Variants in GRAMD1C observed in about 807,000 individuals in gnomAD.
GRAMD1C encodes protein Aster-C.
In GRAMD1C, 89 loss-of-function variants were observed where a neutral mutation model predicts 97.8. The observed-to-expected ratio is 0.91, with a 90% CI of 0.77 to 1.09. GRAMD1C has a LOEUF of 1.09. Among genes scored for constraint, GRAMD1C ranks in the 50% least tolerant of loss-of-function variants. The pLI is 0.00. For missense variants in GRAMD1C, 740 were observed against 766.4 expected, an observed-to-expected ratio of 0.97 and a Z score of 0.41; for synonymous variants, 256 against 267.0, an observed-to-expected ratio of 0.96 and a Z score of 0.40.
chr3:113,937,902 G>A (rs1937608811), intron 14 of GRAMD1C, among the ~76,000 whole-genome samples, 184 bp from the exon 15 acceptor site: 1 of 152,040 alleles, frequency 6.6e-6, no homozygotes, highest in Non-Finnish European at 1.5e-5. Flanking sequence ...CTTCTCAGGA[G>A]GCTGAGGCAG....
At chr3:113,939,504 A>G (rs1479870296) in intron 15 of GRAMD1C, 1 of 157,298 alleles carries the variant, frequency 6.4e-6, no homozygotes, top group East Asian at 1.9e-4. Flanking sequence ...TTATGAGCGT[A>G]TAATTGCCTA....
At chr3:113,902,120 T>C (rs913630688) in intron 7 of GRAMD1C, among the ~76,000 whole-genome samples, 5 of 152,244 alleles carry the variant, frequency 3.3e-5, no homozygotes, top group Admixed American at 2.6e-4. Flanking sequence ...GTGTGGATTA[T>C]ATCTTAAAAG....
intron 10 of GRAMD1C, among the ~76,000 whole-genome samples, chr3:113,918,829 A>G (rs991257979): frequency 6.6e-6 from 1 of 152,084 alleles, no homozygotes; most frequent in African/African-American, 2.4e-5. Context: ...AGTTGCTGGG[A>G]CCACAGGTGT....
intron 6 of GRAMD1C, among the ~76,000 whole-genome samples, chr3:113,892,733 C>G (rs1935785975): frequency 6.6e-6 from 1 of 152,158 alleles, no homozygotes; most frequent in South Asian, 2.1e-4. Flanking sequence ...ACAATGGCAG[C>G]ACCATTCTTT....
chr3:113,850,634 G>A, intron 2 of GRAMD1C: 7 of 1,607,412 alleles, frequency 4.4e-6, no homozygotes, highest in Admixed American at 3.3e-5. Context: ...CTGCCAGCTC[G>A]GGTGCTTAGG....
intron 2 of GRAMD1C, among the ~76,000 whole-genome samples, chr3:113,854,008 G>T (rs1934020119): frequency 6.6e-6 from 1 of 152,156 alleles, no homozygotes; most frequent in Non-Finnish European, 1.5e-5. Flanking sequence ...TTGATGTGGT[G>T]AGTGAGGGAA....
chr3:113,866,131 T>TG (rs1392336425), intron 2 of GRAMD1C, among the ~76,000 whole-genome samples: 1 of 152,186 alleles, frequency 6.6e-6, no homozygotes, highest in Non-Finnish European at 1.5e-5. Context: ...CTTATATCCT[T>TG]GCTGGTTTTC....
At chr3:113,923,888 G>T (rs1302418170) in intron 10 of GRAMD1C, among the ~76,000 whole-genome samples, 1 of 152,050 alleles carries the variant, frequency 6.6e-6, no homozygotes, top group Non-Finnish European at 1.5e-5. Context: ...GTAGAATTTG[G>T]CTGTGAATCC....
At chr3:113,834,825 A>G (rs115140493), upstream of GRAMD1C, among the ~76,000 whole-genome samples, 7,063 of 151,234 alleles carry the variant, frequency 0.047, 176 homozygotes, top group East Asian at 0.057. Flanking sequence ...CTGTTATCCC[A>G]GCTACTCCAG....
chr3:113,831,497 T>C (rs2108059220), intron 1 of GRAMD1C, among the ~76,000 whole-genome samples: 1 of 152,344 alleles, frequency 6.6e-6, no homozygotes, highest in Non-Finnish European at 1.5e-5. Flanking sequence ...TCATTCTTTC[T>C]TGGCCATTAC....
In GRAMD1C at chr3:113,865,393, G is replaced by A. The variant is rs548496896; in HGVS notation, c.175-4114G>A. 4.6e-5 allele frequency among the ~76,000 whole-genome samples: 7 copies of A among 152,240 alleles called. No individual in the cohort carries two copies. In the South Asian group the frequency reaches 1.2e-3, roughly 27 times the overall value. ...TTAAAAAATCTGCTTGTGAGGCTATGGAGTGTGCCACAGATACTGAATCAC... is the reference window on the plus strand; with the variant it reads ...TTAAAAAATCTGCTTGTGAGGCTATAGAGTGTGCCACAGATACTGAATCAC... On this transcript the variant is annotated intron_variant, in intron 2 of 17. Transcript: ENST00000358160.
At chr3:113,915,919 T>A in intron 10 of GRAMD1C, 81 bp downstream of exon 10, 1 of 1,090,800 alleles carries the variant, frequency 9.2e-7, no homozygotes, top group Non-Finnish European at 1.4e-6. Context: ...ATAAACTGAT[T>A]TATGTTGTGA....
intron 5 of GRAMD1C, among the ~76,000 whole-genome samples, chr3:113,882,336 A>G (rs889023635): frequency 1.3e-5 from 2 of 152,124 alleles, no homozygotes; most frequent in East Asian, 3.8e-4. Flanking sequence ...TGAAATCCAC[A>G]TGTATTTTTT....
chr3:113,886,830 A>G lies in GRAMD1C; in HGVS notation c.540+3998A>G, dbSNP rs528416818. On this transcript the variant is annotated intron_variant, in intron 6 of 17. Coordinates refer to ENST00000358160, the MANE Select transcript of GRAMD1C (RefSeq NM_017577.5). ...TGGAGTCTCACTCTGTCACCAGGCT[A>G]GAGTGCTGTGGCCTGATCTCGGCTC... 5.0e-3 allele frequency among the ~76,000 whole-genome samples: 598 copies of G among 119,570 alleles called. 5 individuals are homozygous for G. Among genetic ancestry groups the G allele is most frequent in the African/African-American group, 0.018 (549 of 30,108 alleles). 78.4% of individuals were successfully genotyped at this position (119,570 alleles called of 152,430 possible).
intron 8 of GRAMD1C, 92 bp downstream of exon 8, chr3:113,904,364 TA>T (rs1179633376): frequency 4.4e-6 from 4 of 914,406 alleles, no homozygotes; most frequent in Non-Finnish European, 6.6e-6. Flanking sequence ...TACAAAATGT[TA>T]AAAATAAGAT....
chr3:113,852,881 G>A (rs1172784530), intron 2 of GRAMD1C, among the ~76,000 whole-genome samples: 2 of 152,086 alleles, frequency 1.3e-5, no homozygotes, highest in Non-Finnish European at 2.9e-5. Context: ...GGCTTAGGGT[G>A]GGAGTGGGGG....
At chr3:113,907,447 A>T (rs1936410626) in intron 8 of GRAMD1C, among the ~76,000 whole-genome samples, 1 of 152,164 alleles carries the variant, frequency 6.6e-6, no homozygotes, top group South Asian at 2.1e-4. Context: ...TCGATCATAC[A>T]TTCATTGGTG....
rs115224434 is a variant in GRAMD1C at position 113,921,231 on chromosome 3, G to T, written c.1090+5393G>T. Among the ~76,000 whole-genome samples, 1,250 of 152,272 alleles carry T rather than the reference G, an allele frequency of 8.2e-3. 16 individuals carry two copies. The highest frequency in any genetic ancestry group is 0.029 in the African/African-American group (1,203 of 41,550). On this transcript the variant is annotated intron_variant, in intron 10 of 17. Coordinates refer to ENST00000358160, the MANE Select transcript of GRAMD1C (RefSeq NM_017577.5). ...CCAGCTCCATACATGTTGCTACAAAGGGCATGACCTTGTTATTTTTTATGA... is the reference window on the plus strand; with the variant it reads ...CCAGCTCCATACATGTTGCTACAAATGGCATGACCTTGTTATTTTTTATGA...
chr3:113,894,197 C>G lies in GRAMD1C; in HGVS notation c.541-6834C>G, dbSNP rs562672397. Among the ~76,000 whole-genome samples, 40 of 152,162 alleles carry G rather than the reference C, an allele frequency of 2.6e-4. No individual in the cohort carries two copies. In the South Asian group the frequency reaches 7.3e-3, roughly 28 times the overall value. On this transcript the variant is annotated intron_variant, in intron 6 of 17. Transcript: ENST00000358160. Reference sequence around the variant, plus strand: ...GAGGCTCAATCAATTATTTCATATTCCTACTGATATTCTTGTATTATTGCA... The same window carrying G: ...GAGGCTCAATCAATTATTTCATATTGCTACTGATATTCTTGTATTATTGCA...
Sources: gnomAD v4.1 joint callset for allele counts (sites outside exome capture counted in the v4.1 genomes callset) on GRCh38, gnomAD v4.1.1 for gene constraint, MANE v1.5 for transcripts, NCBI Gene and HGNC (gene_info 2026-07-23, HGNC 2026-07-21) for gene names.